CMSS1: variants seen among roughly 807,000 people sequenced by gnomAD.
CMSS1 encodes the protein protein CMSS1.
Under a neutral mutation model 43.5 loss-of-function variants are expected in CMSS1, and 33 were observed. The observed-to-expected ratio is 0.76, with a 90% confidence interval of 0.57 to 1.01. The LOEUF is 1.01. CMSS1 is among the 50% of genes least tolerant of loss of function. CMSS1 has a pLI of 0.00. For synonymous variants in CMSS1, 115 were observed against 117.2 expected, an observed-to-expected ratio of 0.98 and a Z score of 0.12; for missense variants, 313 against 326.4, an observed-to-expected ratio of 0.96 and a Z score of 0.32.
chr3:99,858,871 G>C (rs767253701), intron 1 of CMSS1, among the ~76,000 whole-genome samples: 6 of 152,230 alleles, frequency 3.9e-5, no homozygotes, highest in Non-Finnish European at 7.3e-5. Context: ...AAAGCGTCTG[G>C]TTTGGGCTGT....
At chr3:99,979,031 G>A (rs1416065561) in intron 1 of CMSS1, among the ~76,000 whole-genome samples, 1 of 152,112 alleles carries the variant, frequency 6.6e-6, no homozygotes, top group Non-Finnish European at 1.5e-5. Flanking sequence ...TGGCACTGTA[G>A]GGCGACTAGA....
rs1707425834 is a variant in CMSS1 at position 99,929,998 on chromosome 3, G to T, written c.64+111955G>T. On this transcript the variant is annotated intron_variant, in intron 1 of 9. Coordinates refer to ENST00000421999, the MANE Select transcript of CMSS1 (RefSeq NM_032359.4). ...CAGCAAAGCCAGGTCCATTTTTTCA[G>T]CCTTTAAAATGCCTATGACCTCATC... The T allele has an allele frequency of 1.9e-6, 3 of 1,613,416 alleles. No individual in the cohort carries two copies. Among genetic ancestry groups the T allele is most frequent in the Non-Finnish European group, 2.5e-6 (3 of 1,179,790 alleles).
chr3:100,013,742 T>A (rs1039898703), intron 1 of CMSS1, among the ~76,000 whole-genome samples: 1 of 152,230 alleles, frequency 6.6e-6, no homozygotes, highest in Non-Finnish European at 1.5e-5. Flanking sequence ...TACAATGCAA[T>A]GTTTGATGTA....
intron 5 of CMSS1, among the ~76,000 whole-genome samples, chr3:100,167,482 A>G (rs1032639850): frequency 1.3e-5 from 2 of 152,230 alleles, no homozygotes; most frequent in African/African-American, 4.8e-5. Context: ...GTAATATTCC[A>G]AATTTTTTTA....
At chr3:99,847,235 AC>A (rs1006832213) in intron 1 of CMSS1, among the ~76,000 whole-genome samples, 1 of 151,832 alleles carries the variant, frequency 6.6e-6, no homozygotes, top group Non-Finnish European at 1.5e-5. Context: ...AAAAAAAAAA[AC>A]TGTAAGCTTT....
chr3:99,985,396 G>A (rs988054448), intron 1 of CMSS1, among the ~76,000 whole-genome samples: 40 of 151,978 alleles, frequency 2.6e-4, no homozygotes, highest in African/African-American at 9.4e-4. Flanking sequence ...GCTGGGCATG[G>A]TGGTGCACGC....
At chr3:99,897,367 C>T (rs1347360600) in intron 1 of CMSS1, among the ~76,000 whole-genome samples, 1 of 149,448 alleles carries the variant, frequency 6.7e-6, no homozygotes, top group African/African-American at 2.5e-5. Context: ...TAGACTTTGT[C>T]TCAAAAAAAA....
At chr3:99,942,123 C>T (rs1374867798) in intron 1 of CMSS1, among the ~76,000 whole-genome samples, 1 of 151,668 alleles carries the variant, frequency 6.6e-6, no homozygotes, top group East Asian at 1.9e-4. Context: ...ATGGCGTGAA[C>T]CTGGGAGGTG....
Position 100,075,865 on chromosome 3 carries a change from G to C in CMSS1, c.65-71108G>C, listed in dbSNP as rs140121132. On this transcript the variant is annotated intron_variant, in intron 1 of 9. Coordinates refer to ENST00000421999, the MANE Select transcript of CMSS1 (RefSeq NM_032359.4). ...TATAAACTTATCTTAAACTCTACAA[G>C]CTTCTTGAGCTAATCCTTCTGGGGT... is the stretch of plus-strand genomic sequence containing the variant. 4.6e-3 allele frequency among the ~76,000 whole-genome samples: 707 copies of C among 152,252 alleles called. 2 individuals carry two copies. Among genetic ancestry groups the C allele is most frequent in the South Asian group, 7.0e-3 (34 of 4,824 alleles).
At chr3:100,089,174 A>G (rs889509006) in intron 1 of CMSS1, among the ~76,000 whole-genome samples, 1 of 152,232 alleles carries the variant, frequency 6.6e-6, no homozygotes, top group African/African-American at 2.4e-5. Flanking sequence ...CTACTTTGCT[A>G]ATACATTCCA....
At position 100,117,878 on chromosome 3, in the gene CMSS1, T is replaced by TATATATACACATATATATATATATATAC. The variant is rs1357671856; in HGVS notation, c.65-29094_65-29093insTATATACACATATATATATATATATACA. Among the ~76,000 whole-genome samples the TATATATACACATATATATATATATATAC allele has an allele frequency of 1.4e-3, 181 of 129,070 alleles. 1 individual carries two copies. Among genetic ancestry groups the TATATATACACATATATATATATATATAC allele is most frequent in the Non-Finnish European group, 2.0e-3 (127 of 63,524 alleles). The allele number at this position is 129,070 out of a possible 152,430, so 84.7% of individuals were successfully genotyped here. A position where few individuals can be genotyped will look rare whatever the true frequency, so the allele number is the denominator to read the frequency against. ...ACATATATATATATATATATATATA[T>TATATATACACATATATATATATATATAC]ACACATACAATGGAGTATTACTCAG... On this transcript the variant is annotated intron_variant, in intron 1 of 9. Transcript: ENST00000421999.
intron 1 of CMSS1, among the ~76,000 whole-genome samples, chr3:99,865,368 C>A (rs968111477): frequency 3.9e-5 from 6 of 152,156 alleles, no homozygotes; most frequent in Admixed American, 1.3e-4. Context: ...TATTATATCT[C>A]ATGAGCCATC....
intron 1 of CMSS1, among the ~76,000 whole-genome samples, chr3:100,078,055 A>C (rs974030257): frequency 6.6e-6 from 1 of 152,040 alleles, no homozygotes; most frequent in Admixed American, 6.5e-5. Context: ...TATCCTATTT[A>C]TAAGTTAGAA....
chr3:100,083,261 G>A (rs929652445), intron 1 of CMSS1, among the ~76,000 whole-genome samples: 2 of 152,126 alleles, frequency 1.3e-5, no homozygotes, highest in Non-Finnish European at 2.9e-5. Flanking sequence ...GCTTGCTTGC[G>A]CCTGTAATTA....
chr3:99,874,546 T>C (rs953737040), intron 1 of CMSS1: 1 of 152,212 alleles, frequency 6.6e-6, no homozygotes, highest in Non-Finnish European at 1.5e-5. Flanking sequence ...CTGCAGTTTA[T>C]ATAGCCTATC....
chr3:100,036,830 AC>A (rs2065116194), intron 1 of CMSS1, among the ~76,000 whole-genome samples: 1 of 152,190 alleles, frequency 6.6e-6, no homozygotes, highest in Admixed American at 6.5e-5. Flanking sequence ...CAATAGTAGA[AC>A]AAATTGACAT....
intron 1 of CMSS1, among the ~76,000 whole-genome samples, chr3:99,873,430 TC>T (rs1705339507): frequency 6.6e-6 from 1 of 152,216 alleles, no homozygotes; most frequent in Non-Finnish European, 1.5e-5. Context: ...TTGCCTTACA[TC>T]CACAATATCC....
intron 1 of CMSS1, among the ~76,000 whole-genome samples, chr3:100,096,332 T>A (rs2066207854): frequency 2.0e-5 from 3 of 152,206 alleles, no homozygotes; most frequent in Admixed American, 2.0e-4. Context: ...GCAGCACTGT[T>A]CACAATAGCC....
rs778636554 is a variant in CMSS1 at position 100,178,407 on chromosome 3, A to G, written c.*19A>G. 6.5e-7 allele frequency: 1 copy of G among 1,531,500 alleles called. No homozygotes were observed. The highest frequency in any genetic ancestry group is 9.0e-7 in the Non-Finnish European group (1 of 1,108,346). 94.9% of individuals were successfully genotyped at this position (1,531,500 alleles called of 1,614,324 possible). On this transcript the variant is annotated 3_prime_UTR_variant, in exon 10 of 10. Transcript: ENST00000421999. ...TTTCTAAGTCTGTGTCCTAATGAAGATTCCAGTTTTCACAGTAGAAGTTGC... is the reference window on the plus strand; with the variant it reads ...TTTCTAAGTCTGTGTCCTAATGAAGGTTCCAGTTTTCACAGTAGAAGTTGC...
Sources: gnomAD v4.1 joint callset for allele counts (sites outside exome capture counted in the v4.1 genomes callset) on GRCh38, gnomAD v4.1.1 for gene constraint, MANE v1.5 for transcripts, NCBI Gene and HGNC (gene_info 2026-07-23, HGNC 2026-07-21) for gene names.